The following ATL2 variants were observed in gnomAD, a reference collection of about 807,000 sequenced individuals.
ATL2 encodes atlastin-2.
Under a neutral mutation model 73.9 loss-of-function variants are expected in ATL2, and 31 were observed. The ratio of observed to expected loss-of-function variants is 0.42; its 90% CI spans 0.32 to 0.57. The LOEUF (loss-of-function observed/expected upper bound fraction) is 0.57. Ranked by LOEUF, ATL2 falls within the 20% of genes least tolerant of loss-of-function variation. ATL2 has a pLI of 0.14. For missense variants in ATL2, 738 were observed against 702.6 expected (o/e 1.05, Z -0.57); for synonymous variants, 291 against 237.5 (o/e 1.23, Z -2.07).
chr2:38,377,843 T>A (rs1205334920), upstream of ATL2, among the ~76,000 whole-genome samples: 3 of 149,722 alleles, frequency 2.0e-5, no homozygotes, highest in African/African-American at 4.9e-5. Context: ...CCCAAGTCCC[T>A]ACTGTTGCTT....
intron 2 of ATL2, among the ~76,000 whole-genome samples, chr2:38,330,703 T>C (rs543278236): frequency 1.1e-4 from 16 of 152,272 alleles, no homozygotes; most frequent in African/African-American, 3.9e-4. Context: ...AAACTTATAC[T>C]CAAAAACTAT....
chr2:38,352,595 G>C (rs1046667726), intron 1 of ATL2, among the ~76,000 whole-genome samples: 1 of 152,196 alleles, frequency 6.6e-6, no homozygotes, highest in Non-Finnish European at 1.5e-5. Context: ...CACAGGTGCA[G>C]GGGAACACAA....
intron 1 of ATL2, among the ~76,000 whole-genome samples, chr2:38,373,961 G>A (rs551187299): frequency 8.5e-5 from 13 of 152,188 alleles, no homozygotes; most frequent in South Asian, 8.3e-4. Context: ...GCATGATCTC[G>A]GCTCACGGCA....
At chr2:38,371,919 T>C (rs774398377) in intron 1 of ATL2, among the ~76,000 whole-genome samples, 14 of 151,880 alleles carry the variant, frequency 9.2e-5, no homozygotes, top group Admixed American at 3.9e-4. Context: ...TACATAAAAA[T>C]AAAACATCAT....
intron 7 of ATL2, among the ~76,000 whole-genome samples, chr2:38,311,254 T>C (rs1667743151): frequency 6.6e-6 from 1 of 152,158 alleles, no homozygotes; most frequent in Non-Finnish European, 1.5e-5. Context: ...CCTCTCTACA[T>C]GATTATTTAT....
chr2:38,315,308 T>G lies in ATL2; in HGVS notation c.630A>C (p.Gln210His). 1 of 1,493,326 alleles carries G rather than the reference T, an allele frequency of 6.7e-7. No homozygotes were observed. Among genetic ancestry groups the G allele is most frequent in the East Asian group, 2.7e-5 (1 of 36,794 alleles). 92.5% of individuals were successfully genotyped at this position (1,493,326 alleles called of 1,614,324 possible). The change falls in exon 5 of 13, where the codon CAA (glutamine) becomes CAC (histidine). Residue 210 changes from glutamine (Q) to histidine (H), a missense_variant. Gln to His is a conservative substitution (Grantham distance 24, BLOSUM62 0). Transcript: ENST00000378954. ...CTTGCAAATGTTGAAGATCATCTTC[T>G]TGAATATTCTGAGACAGATTATATA... is the stretch of plus-strand genomic sequence containing the variant. ...VQVYNLSQNI[Q>H]EDDLQHLQLF... is the part of the protein sequence containing the mutation.
chr2:38,377,573 G>C (rs1159482833), upstream of ATL2, among the ~76,000 whole-genome samples: 1 of 152,044 alleles, frequency 6.6e-6, no homozygotes. Flanking sequence ...ACCTCCCTGA[G>C]CTCAGCACCA....
intron 9 of ATL2, among the ~76,000 whole-genome samples, chr2:38,307,913 T>A (rs1667539460): frequency 6.6e-6 from 1 of 152,150 alleles, no homozygotes; most frequent in Non-Finnish European, 1.5e-5. Context: ...GATATCATCT[T>A]TCTCCATTTA....
Position 38,296,012 on chromosome 2 carries a change from G to T in ATL2, c.1734C>A (p.Ala578=). 6.5e-7 allele frequency: 1 copy of T among 1,550,354 alleles called. No homozygotes were observed. Among genetic ancestry groups the T allele is most frequent in the Non-Finnish European group, 8.7e-7 (1 of 1,145,664 alleles). Residue 578 remains alanine, a synonymous_variant, in exon 13 of 13, where the codon GCC becomes GCA. Coordinates refer to ENST00000378954, the MANE Select transcript of ATL2 (RefSeq NM_001135673.4). The part of the protein sequence containing the change: ...AGLTDQVSHH[A]RLKTD ...TGAACTGTCAGTCTGTCTTTAATCTGGCATGATGAGACACCTGGTCAGTCA... is the reference window on the plus strand; with the variant it reads ...TGAACTGTCAGTCTGTCTTTAATCTTGCATGATGAGACACCTGGTCAGTCA...
At chr2:38,312,918 C>A (rs1246976367) in intron 7 of ATL2, among the ~76,000 whole-genome samples, 1 of 152,048 alleles carries the variant, frequency 6.6e-6, no homozygotes, top group East Asian at 1.9e-4. Flanking sequence ...TGGGGGGCTA[C>A]CTTTAGGAAT....
chr2:38,366,478 A>G (rs573834042), intron 1 of ATL2, among the ~76,000 whole-genome samples: 2 of 152,278 alleles, frequency 1.3e-5, no homozygotes, highest in East Asian at 3.9e-4. Context: ...TCAGGGTCAA[A>G]TGTTTAAATT....
chr2:38,328,843 GA>G (rs1668814001), intron 2 of ATL2, among the ~76,000 whole-genome samples: 1 of 151,308 alleles, frequency 6.6e-6, no homozygotes, highest in Non-Finnish European at 1.5e-5. Context: ...ATTGAAACAA[GA>G]AAACAGAAAA....
intron 1 of ATL2, among the ~76,000 whole-genome samples, chr2:38,370,694 A>C (rs1671637116): frequency 6.6e-6 from 1 of 152,076 alleles, no homozygotes; most frequent in Admixed American, 6.6e-5. Context: ...TTGAACCCAG[A>C]GGTGGAGGTT....
intron 2 of ATL2, among the ~76,000 whole-genome samples, chr2:38,336,267 G>C (rs752657497): frequency 2.0e-5 from 3 of 152,212 alleles, no homozygotes; most frequent in Non-Finnish European, 2.9e-5. Flanking sequence ...ATATGTAGCA[G>C]TGCGTATGAT....
chr2:38,348,636 G>GA (rs796554102), intron 1 of ATL2, among the ~76,000 whole-genome samples: 170 of 131,634 alleles, frequency 1.3e-3, no homozygotes, highest in African/African-American at 1.8e-3. Flanking sequence ...AGAAGTTTAA[G>GA]AAAAAAAAAA....
chr2:38,315,438 G>A (rs371893460), intron 4 of ATL2, 104 bp from the exon 5 acceptor site: 16 of 1,173,456 alleles, frequency 1.4e-5, no homozygotes, highest in South Asian at 8.0e-5. Flanking sequence ...GTATCTCAGC[G>A]CAAAGGAATC....
chr2:38,370,683 C>A (rs1671636363), intron 1 of ATL2, among the ~76,000 whole-genome samples: 1 of 151,994 alleles, frequency 6.6e-6, no homozygotes, highest in Non-Finnish European at 1.5e-5. Context: ...AGAAGAATCT[C>A]TTGAACCCAG....
chr2:38,296,678 T>C (rs757101951), intron 12 of ATL2: 8 of 1,565,990 alleles, frequency 5.1e-6, no homozygotes, highest in South Asian at 3.5e-5. Context: ...AGACTGTAGG[T>C]TTCTCACCTT....
chr2:38,304,155 C>G (rs569837342), intron 9 of ATL2, among the ~76,000 whole-genome samples: 2 of 152,112 alleles, frequency 1.3e-5, no homozygotes, highest in African/African-American at 4.8e-5. Context: ...AATGCATCAA[C>G]AGAAAAGAAA....
Sources: gnomAD v4.1 joint callset for allele counts (sites outside exome capture counted in the v4.1 genomes callset) on GRCh38, gnomAD v4.1.1 for gene constraint, MANE v1.5 for transcripts, NCBI Gene and HGNC (gene_info 2026-07-23, HGNC 2026-07-21) for gene names.